Variants in MCU observed in about 807,000 individuals in gnomAD.
MCU encodes the protein mitochondrial calcium uniporter.
MCU carries 12 observed loss-of-function variants against 45.2 expected under a neutral mutation model. That is an observed-to-expected ratio of 0.27 (90% CI 0.17 to 0.43). MCU has a LOEUF of 0.43. Ranked by LOEUF, MCU falls within the 20% of genes least tolerant of loss-of-function variation. The pLI is 1.00. For missense variants in MCU, 324 were observed against 436.7 expected, an observed-to-expected ratio of 0.74 and a Z score of 2.30; for synonymous variants, 160 against 165.1, an observed-to-expected ratio of 0.97 and a Z score of 0.24.
chr10:72,740,990 CATTT>C (rs1230270982), intron 1 of MCU, among the ~76,000 whole-genome samples: 2 of 151,910 alleles, frequency 1.3e-5, no homozygotes, highest in Non-Finnish European at 2.9e-5. Flanking sequence ...CTTAGTCATG[CATTT>C]ATTTATATAT....
chr10:72,810,634 G>GGTTGTTGTTGTT lies in MCU; in HGVS notation c.151-23706_151-23695dup, dbSNP rs71021536. Among the ~76,000 whole-genome samples the GGTTGTTGTTGTT allele has an allele frequency of 2.9e-3, 426 of 146,878 alleles. 1 individual carries two copies. The highest frequency in any genetic ancestry group is 4.7e-3 in the Non-Finnish European group (310 of 66,626). On this transcript the variant is annotated intron_variant, in intron 1 of 7. Coordinates refer to ENST00000373053, the MANE Select transcript of MCU (RefSeq NM_138357.3). Reference sequence around the variant, plus strand: ...AGGCGCCTGCCACCACGCCCAGCTAGGTTGTTGTTGTTGTTGTTGTTGTTG... The same window carrying GGTTGTTGTTGTT: ...AGGCGCCTGCCACCACGCCCAGCTAGGTTGTTGTTGTTGTTGTTGTTGTTGTTGTTGTTGTTG...
intron 6 of MCU, among the ~76,000 whole-genome samples, chr10:72,873,208 C>T (rs1845572655): frequency 6.6e-6 from 1 of 151,506 alleles, no homozygotes; most frequent in Admixed American, 6.6e-5. Context: ...TTAGTAGAGA[C>T]GGGGTTTCAC....
intron 2 of MCU, among the ~76,000 whole-genome samples, chr10:72,847,484 C>T (rs1282460532): frequency 1.3e-5 from 2 of 152,056 alleles, no homozygotes; most frequent in East Asian, 3.9e-4. Flanking sequence ...TAGGTAGTTC[C>T]TCAACTTTAT....
intron 1 of MCU, among the ~76,000 whole-genome samples, chr10:72,706,208 A>T (rs912188762): frequency 9.3e-5 from 14 of 150,442 alleles, no homozygotes; most frequent in African/African-American, 3.4e-4. Flanking sequence ...TGAGCATTGT[A>T]TGATGGTCTT....
intron 6 of MCU, among the ~76,000 whole-genome samples, chr10:72,878,498 A>G (rs1056771169): frequency 6.6e-6 from 1 of 152,162 alleles, no homozygotes; most frequent in South Asian, 2.1e-4. Context: ...AGACATTACA[A>G]ACAGACACAA....
At chr10:72,870,350 C>G (rs1845521918) in intron 5 of MCU, among the ~76,000 whole-genome samples, 2 of 152,308 alleles carry the variant, frequency 1.3e-5, no homozygotes, top group Middle Eastern at 3.4e-3. Flanking sequence ...ACGATCTCGG[C>G]TCACTGCAGG....
At chr10:72,774,122 A>T (rs754112634) in intron 1 of MCU, among the ~76,000 whole-genome samples, 1 of 152,216 alleles carries the variant, frequency 6.6e-6, no homozygotes, top group Non-Finnish European at 1.5e-5. Flanking sequence ...TCTTACTGCA[A>T]TTGTGGTGTG....
intron 2 of MCU, among the ~76,000 whole-genome samples, chr10:72,835,229 A>G (rs1470277898): frequency 2.0e-5 from 3 of 152,226 alleles, no homozygotes; most frequent in Non-Finnish European, 4.4e-5. Flanking sequence ...GTAAATGTCT[A>G]TGATGCTATA....
intron 5 of MCU, 117 bp from the exon 6 acceptor site, chr10:72,871,260 A>G (rs1264983790): frequency 3.4e-6 from 3 of 873,286 alleles, no homozygotes; most frequent in East Asian, 2.4e-5. Flanking sequence ...TATATTTACT[A>G]GAATTGAGAC....
intron 2 of MCU, among the ~76,000 whole-genome samples, chr10:72,849,905 TTA>T (rs1202663577): frequency 7.1e-6 from 1 of 140,254 alleles, no homozygotes; most frequent in Non-Finnish European, 1.6e-5. Context: ...CTTAGCAGTA[TTA>T]TCTTTTTCTT....
intron 1 of MCU, among the ~76,000 whole-genome samples, chr10:72,752,218 A>T (rs141872433): frequency 6.6e-6 from 1 of 152,010 alleles, no homozygotes; most frequent in East Asian, 1.9e-4. Context: ...TATCTCAGAG[A>T]AGATCAGTCT....
At chr10:72,718,200 C>T (rs1017672488) in intron 1 of MCU, among the ~76,000 whole-genome samples, 3 of 152,098 alleles carry the variant, frequency 2.0e-5, no homozygotes, top group African/African-American at 7.2e-5. Flanking sequence ...TTCCAAGAGT[C>T]TATTTAAATG....
At chr10:72,834,994 C>G (rs111660900) in intron 2 of MCU, among the ~76,000 whole-genome samples, 3,590 of 152,214 alleles carry the variant, frequency 0.024, 118 homozygotes, top group African/African-American at 0.081. Flanking sequence ...ATGTGAAGAT[C>G]ACAGAAGCAC....
At chr10:72,841,668 A>G (rs1464176076) in intron 2 of MCU, among the ~76,000 whole-genome samples, 1 of 152,182 alleles carries the variant, frequency 6.6e-6, no homozygotes, top group Admixed American at 6.5e-5. Context: ...AAACTTAGCA[A>G]TGTGCACGCT....
chr10:72,842,900 A>G (rs1845067463), intron 2 of MCU, among the ~76,000 whole-genome samples: 1 of 151,176 alleles, frequency 6.6e-6, no homozygotes, highest in African/African-American at 2.4e-5. Context: ...TAAAATTTTC[A>G]TGTATAAACT....
At position 72,849,020 on chromosome 10, in the gene MCU, C is replaced by A. The variant is rs890912220; in HGVS notation, c.221-10157C>A. ...AAAGGGCCGGGGTTGGTGGCTCACACCTGTAATCCCAGCACTTTGGGAGGC... is the reference window on the plus strand; with the variant it reads ...AAAGGGCCGGGGTTGGTGGCTCACAACTGTAATCCCAGCACTTTGGGAGGC... On this transcript the variant is annotated intron_variant, in intron 2 of 7. Transcript: ENST00000373053. 1.2e-4 allele frequency among the ~76,000 whole-genome samples: 18 copies of A among 152,178 alleles called. No individual in the cohort carries two copies. In the East Asian group the frequency reaches 2.9e-3, roughly 24 times the overall value.
At chr10:72,802,446 A>G (rs1844358417) in intron 1 of MCU, among the ~76,000 whole-genome samples, 1 of 151,914 alleles carries the variant, frequency 6.6e-6, no homozygotes, top group Non-Finnish European at 1.5e-5. Context: ...ACTCAGAGCT[A>G]ACCACTCTGG....
intron 2 of MCU, among the ~76,000 whole-genome samples, chr10:72,849,954 C>T (rs1259137246): frequency 6.6e-6 from 1 of 150,624 alleles, no homozygotes; most frequent in Non-Finnish European, 1.5e-5. Context: ...GCTCTTGTTG[C>T]CCAGGCTGGA....
chr10:72,694,532 G>T (rs971969973), intron 1 of MCU, among the ~76,000 whole-genome samples: 1 of 152,190 alleles, frequency 6.6e-6, no homozygotes, highest in East Asian at 1.9e-4. Flanking sequence ...GAATTCTCCT[G>T]TAAGTAGGTG....
Sources: gnomAD v4.1 joint callset for allele counts (sites outside exome capture counted in the v4.1 genomes callset) on GRCh38, gnomAD v4.1.1 for gene constraint, MANE v1.5 for transcripts, NCBI Gene and HGNC (gene_info 2026-07-23, HGNC 2026-07-21) for gene names.